The following TAF4 variants were observed in gnomAD, a reference collection of about 807,000 sequenced individuals.
The protein encoded by TAF4 is transcription initiation factor TFIID subunit 4.
TAF4 carries 9 observed loss-of-function variants against 90.3 expected under a neutral mutation model. The ratio of observed to expected loss-of-function variants is 0.10; its 90% CI spans 0.06 to 0.17. The LOEUF is 0.17. Ranked by LOEUF, TAF4 falls within the 10% of genes least tolerant of loss-of-function variation. The pLI, the probability that TAF4 is intolerant of heterozygous loss-of-function variation, is 1.00. For synonymous variants in TAF4, 818 were observed against 638.9 expected (o/e 1.28, Z -4.23); for missense variants, 1,351 against 1,370.7 (o/e 0.99, Z 0.23).
chr20:62,040,730 G>A (rs776716534), intron 1 of TAF4, among the ~76,000 whole-genome samples: 4 of 152,212 alleles, frequency 2.6e-5, no homozygotes, highest in South Asian at 2.1e-4. Flanking sequence ...CACTGAGCCC[G>A]CGGATGAAAC....
rs2055743221 is a variant in TAF4 at position 62,006,077 on chromosome 20, C to T, written c.2223+433G>A. ...GCAGCCGCGGCTTCGCCTCCCGGGA[C>T]TCACCTAAATCCACCCTGTGCTGTG... On this transcript the variant is annotated intron_variant, in intron 7 of 14. Transcript: ENST00000252996. This position sits in a 1 kb window ranked among gnomAD's most constrained non-coding sequence, Gnocchi z 7.0. 6.3e-6 allele frequency: 1 copy of T among 159,708 alleles called. No homozygotes were observed. Among genetic ancestry groups the T allele is most frequent in the Non-Finnish European group, 1.4e-5 (1 of 73,390 alleles). The allele number at this position is 159,708 out of a possible 1,614,324, so 9.9% of individuals were successfully genotyped here.
At chr20:62,041,844 G>T (rs1193750257) in intron 1 of TAF4, among the ~76,000 whole-genome samples, 1 of 151,614 alleles carries the variant, frequency 6.6e-6, no homozygotes, top group Non-Finnish European at 1.5e-5. Flanking sequence ...CAAGGCAGGA[G>T]GATCACATGA....
intron 1 of TAF4, among the ~76,000 whole-genome samples, chr20:62,046,497 G>A (rs576416236): frequency 7.2e-5 from 11 of 152,314 alleles, no homozygotes; most frequent in African/African-American, 2.6e-4. Flanking sequence ...GGGGAATTTT[G>A]TAGATTCACT....
chr20:62,056,153 C>G (rs893173578), intron 1 of TAF4, among the ~76,000 whole-genome samples: 3 of 152,184 alleles, frequency 2.0e-5, no homozygotes, highest in Non-Finnish European at 4.4e-5. Flanking sequence ...ATGAGAATCA[C>G]CTGATCCCGG....
chr20:62,035,595 G>C (rs1476774884), intron 1 of TAF4, among the ~76,000 whole-genome samples: 2 of 147,342 alleles, frequency 1.4e-5, no homozygotes, highest in Non-Finnish European at 3.0e-5. Context: ...AAAAGCAAAA[G>C]CTATCATTTT....
chr20:62,004,328 C>CTTTTTTTTTTTTTTTTT (rs60437230), intron 7 of TAF4, among the ~76,000 whole-genome samples: 16 of 117,194 alleles, frequency 1.4e-4, no homozygotes, highest in South Asian at 2.7e-4. Flanking sequence ...CTTTTCTTTT[C>CTTTTTTTTTTTTTTTTT]TTTTTTTTTT....
At position 62,065,181 on chromosome 20, in the gene TAF4, G is replaced by A. The variant is rs1316849020; in HGVS notation, c.630C>T (p.Ala210=). The A allele has an allele frequency of 4.1e-6, 5 of 1,209,998 alleles. No individual in the cohort carries two copies. The highest frequency in any genetic ancestry group is 5.3e-6 in the Non-Finnish European group (5 of 948,722). 75.0% of individuals were successfully genotyped at this position (1,209,998 alleles called of 1,614,324 possible). A position where few individuals can be genotyped will look rare whatever the true frequency, so the allele number is the denominator to read the frequency against. The change falls in exon 1 of 15, where the codon GCC becomes GCT. Residue 210 remains alanine (A), a synonymous_variant. Coordinates refer to ENST00000252996, the MANE Select transcript of TAF4 (RefSeq NM_003185.4). The part of the protein sequence containing the change: ...GSAALLNSHH[A]AAPAVSLVNN... ...TGACCAGGCTGACAGCAGGTGCGGC[G>A]GCGTGGTGCGAGTTCAGCAGCGCGG...
In TAF4 at chr20:62,065,763, C is replaced by G; in HGVS notation, c.48G>C (p.Glu16Asp). 2 of 1,349,594 alleles carry G rather than the reference C, an allele frequency of 1.5e-6. No homozygotes were observed. The highest frequency in any genetic ancestry group is 1.3e-5 in the South Asian group (1 of 77,904). The allele number at this position is 1,349,594 out of a possible 1,614,324, so 83.6% of individuals were successfully genotyped here. Residue 16 changes from glutamate (E) to aspartate (D), a missense_variant, in exon 1 of 15, where the codon GAG (glutamate) becomes GAC (aspartate). Glu to Asp is a conservative substitution (Grantham distance 45). Coordinates refer to ENST00000252996, the MANE Select transcript of TAF4 (RefSeq NM_003185.4). Reference protein sequence around the residue: ...DLLDEVFFNSEVDEKVVSDLV... With the variant: ...DLLDEVFFNSDVDEKVVSDLV... The stretch of plus-strand genomic sequence containing the variant: ...GGTCGCTCACCACTTTCTCGTCCAC[C>G]TCGCTGTTGAAGAAGACCTCGTCCA...
chr20:62,009,254 A>G (rs970560191), intron 4 of TAF4, 80 bp from the exon 5 acceptor site: 68 of 1,335,910 alleles, frequency 5.1e-5, no homozygotes, highest in African/African-American at 1.3e-4. Context: ...TAAAATATGC[A>G]TATGTACAAA....
Position 62,000,647 on chromosome 20 carries a change from G to A in TAF4, c.2561C>T (p.Ala854Val). The change falls in exon 10 of 15, where the codon GCC becomes GTC. Residue 854 changes from alanine (A) to valine (V), a missense_variant. Ala to Val is a moderately conservative substitution (Grantham distance 64, BLOSUM62 0). Transcript: ENST00000252996. Reference protein sequence around the residue: ...NLSEESARILATNSELVGTLT... With the variant: ...NLSEESARILVTNSELVGTLT... ...CGTGCCCACCAATTCAGAGTTCGTG[G>A]CTAATATTCTTGCACTTTCTTCTGA... 6.2e-7 allele frequency: 1 copy of A among 1,614,252 alleles called. No homozygotes were observed.
At position 62,006,910 on chromosome 20, in the gene TAF4, G is replaced by T; in HGVS notation, c.1975-152C>A. 1.8e-6 allele frequency: 2 copies of T among 1,089,300 alleles called. No individual in the cohort carries two copies. Among genetic ancestry groups the T allele is most frequent in the Middle Eastern group, 2.7e-4 (1 of 3,710 alleles). The allele number at this position is 1,089,300 out of a possible 1,614,324, so 67.5% of individuals were successfully genotyped here. ...ACGGCAGCATGTCTGGATGTCAAGG[G>T]CCAGGACCCCATCCTGCCCTCCCAC... On this transcript the variant is annotated intron_variant, in intron 6 of 14. Coordinates refer to ENST00000252996, the MANE Select transcript of TAF4 (RefSeq NM_003185.4). This position sits in a 1 kb window ranked among gnomAD's most constrained non-coding sequence, Gnocchi z 7.0.
At chr20:62,062,354 T>C (rs187393395) in intron 1 of TAF4, among the ~76,000 whole-genome samples, 5 of 152,360 alleles carry the variant, frequency 3.3e-5, no homozygotes, top group Admixed American at 3.3e-4. Context: ...AGTTGTACTG[T>C]TCAAAAGAAG....
At chr20:62,043,938 G>A (rs1389964354) in intron 1 of TAF4, among the ~76,000 whole-genome samples, 1 of 152,196 alleles carries the variant, frequency 6.6e-6, no homozygotes, top group South Asian at 2.1e-4. Flanking sequence ...CAGGCTGGAC[G>A]GGAAGACACA....
At chr20:62,034,903 C>T (rs1259609590) in intron 1 of TAF4, among the ~76,000 whole-genome samples, 1 of 150,730 alleles carries the variant, frequency 6.6e-6, no homozygotes, top group Non-Finnish European at 1.5e-5. Flanking sequence ...TCACTGCAAG[C>T]TCCGCCTCCC....
At chr20:62,002,024 C>A (rs927240252) in intron 9 of TAF4, among the ~76,000 whole-genome samples, 4 of 152,204 alleles carry the variant, frequency 2.6e-5, no homozygotes, top group African/African-American at 9.7e-5. Context: ...ACACTGAAAC[C>A]CAGGGGTTTG....
At chr20:62,056,720 A>C (rs570747725) in intron 1 of TAF4, among the ~76,000 whole-genome samples, 1 of 152,314 alleles carries the variant, frequency 6.6e-6, no homozygotes, top group South Asian at 2.1e-4. Flanking sequence ...AGACACCCCG[A>C]AATTTTAGCA....
chr20:62,011,585 C>T (rs942383634), intron 3 of TAF4, among the ~76,000 whole-genome samples: 2 of 152,192 alleles, frequency 1.3e-5, no homozygotes, highest in African/African-American at 2.4e-5. Flanking sequence ...GGTACTGAAC[C>T]GCCCTTCCAC....
At chr20:61,987,545 C>A (rs1470181539) in intron 14 of TAF4, among the ~76,000 whole-genome samples, 1 of 152,178 alleles carries the variant, frequency 6.6e-6, no homozygotes, top group Non-Finnish European at 1.5e-5. Context: ...CCTACTAGAG[C>A]GGCCAAAACC....
chr20:62,000,630 C>A lies in TAF4; in HGVS notation c.2578G>T (p.Val860Leu), dbSNP rs1471580508. 2 of 1,614,158 alleles carry A rather than the reference C, an allele frequency of 1.2e-6. No individual in the cohort carries two copies. Among genetic ancestry groups the A allele is most frequent in the Admixed American group, 1.7e-5 (1 of 60,010 alleles). ...TTACAGGACCGCGTTAGCGTGCCCA[C>A]CAATTCAGAGTTCGTGGCTAATATT... Reference protein sequence around the residue: ...ARILATNSELVGTLTRSCKDE... With the variant: ...ARILATNSELLGTLTRSCKDE... The change falls in exon 10 of 15, where the codon GTG becomes TTG. Residue 860 changes from valine (V) to leucine (L), a missense_variant. Around this residue, in one of 9 missense-constraint regions of TAF4, gnomAD observed 95 missense variants for 151.3 expected, o/e 0.63. Transcript: ENST00000252996.
Sources: allele counts gnomAD v4.1 joint callset (sites outside exome capture counted in the v4.1 genomes callset), GRCh38; gene constraint gnomAD v4.1.1; regional missense constraint gnomAD v4.1.1; non-coding constraint Gnocchi (gnomAD v3.1); transcripts MANE v1.5; gene names NCBI Gene and HGNC (gene_info 2026-07-23, HGNC 2026-07-21).